Variants in HS3ST3A1 observed in about 807,000 individuals in gnomAD.
The protein encoded by HS3ST3A1 is heparan sulfate glucosamine 3-O-sulfotransferase 3A1.
In HS3ST3A1, 19 loss-of-function variants were observed where a neutral mutation model predicts 25.7. The ratio of observed to expected loss-of-function variants is 0.74; its 90% CI spans 0.52 to 1.08. The LOEUF is 1.08. Ranked by LOEUF, HS3ST3A1 falls within the 50% of genes least tolerant of loss-of-function variation. The pLI, the probability that HS3ST3A1 is intolerant of heterozygous loss-of-function variation, is 0.00. For synonymous variants in HS3ST3A1, 226 were observed against 278.6 expected (o/e 0.81, Z 1.88); for missense variants, 459 against 594.3 (o/e 0.77, Z 2.37).
intron 1 of HS3ST3A1, among the ~76,000 whole-genome samples, chr17:13,524,092 T>A (rs1315927731): frequency 6.6e-6 from 1 of 152,210 alleles, no homozygotes; most frequent in Non-Finnish European, 1.5e-5. Context: ...GTTTTTAACC[T>A]TATATTGATT....
chr17:13,536,342 AT>A (rs1227069877), intron 1 of HS3ST3A1, among the ~76,000 whole-genome samples: 1 of 152,142 alleles, frequency 6.6e-6, no homozygotes, highest in Non-Finnish European at 1.5e-5. Flanking sequence ...TCAAGGGCTA[AT>A]TTATGGAATG....
chr17:13,570,378 T>A (rs1907770616), intron 1 of HS3ST3A1, among the ~76,000 whole-genome samples: 1 of 151,026 alleles, frequency 6.6e-6, no homozygotes, highest in Admixed American at 6.6e-5. Flanking sequence ...TCTAATACGC[T>A]TTTTCATGAT....
chr17:13,539,791 A>G (rs952053681), intron 1 of HS3ST3A1, among the ~76,000 whole-genome samples: 1 of 152,238 alleles, frequency 6.6e-6, no homozygotes, highest in Non-Finnish European at 1.5e-5. Flanking sequence ...GTATTAACAC[A>G]TGATTTGTCG....
At chr17:13,588,476 C>T (rs1353224836) in intron 1 of HS3ST3A1, among the ~76,000 whole-genome samples, 1 of 152,192 alleles carries the variant, frequency 6.6e-6, no homozygotes, top group Non-Finnish European at 1.5e-5. Context: ...TCTTTTCAAA[C>T]ATGACTTCCA....
At chr17:13,593,459 A>G (rs921714085) in intron 1 of HS3ST3A1, among the ~76,000 whole-genome samples, 4 of 152,172 alleles carry the variant, frequency 2.6e-5, no homozygotes, top group Non-Finnish European at 4.4e-5. Context: ...CTTGGTTCGG[A>G]AACAAGAGAG....
chr17:13,539,916 CCA>C (rs769700439), intron 1 of HS3ST3A1, among the ~76,000 whole-genome samples: 17 of 152,140 alleles, frequency 1.1e-4, no homozygotes, highest in Non-Finnish European at 2.1e-4. Context: ...GAGATTCCAC[CCA>C]TTTGCTCAAA....
At chr17:13,588,706 C>T (rs1216313097) in intron 1 of HS3ST3A1, among the ~76,000 whole-genome samples, 13 of 147,358 alleles carry the variant, frequency 8.8e-5, no homozygotes, top group East Asian at 6.0e-4. Context: ...TTTTTTTAGA[C>T]GGAGTCTCGC....
rs1015910915 is a variant in HS3ST3A1, at chr17:13,544,733, T to A, written c.600-47915A>T. Among the ~76,000 whole-genome samples the A allele has an allele frequency of 2.0e-5, 3 of 148,134 alleles. No homozygotes were observed. In the East Asian group the frequency reaches 6.0e-4, roughly 30 times the overall value. On this transcript the variant is annotated intron_variant, in intron 1 of 1. Coordinates refer to ENST00000284110, the MANE Select transcript of HS3ST3A1 (RefSeq NM_006042.3). ...GGATGGGTGGTGGGATAAGCAAAGA[T>A]CCAAGTTTTCTAAGAGGATCTGCAA...
chr17:13,534,268 A>T (rs1167745746), intron 1 of HS3ST3A1, among the ~76,000 whole-genome samples: 1 of 152,210 alleles, frequency 6.6e-6, no homozygotes, highest in Non-Finnish European at 1.5e-5. Context: ...CAAGTACTCA[A>T]AAACGGAAAA....
intron 1 of HS3ST3A1, among the ~76,000 whole-genome samples, chr17:13,561,759 G>GAGGTGTCC (rs1382171929): frequency 6.6e-6 from 1 of 152,112 alleles, no homozygotes; most frequent in Admixed American, 6.6e-5. Context: ...GACACTGCGG[G>GAGGTGTCC]ATTCCAGCAG....
At chr17:13,521,530 C>T (rs145262785) in intron 1 of HS3ST3A1, among the ~76,000 whole-genome samples, 2 of 152,264 alleles carry the variant, frequency 1.3e-5, no homozygotes, top group African/African-American at 4.8e-5. Flanking sequence ...CTAATCTCCC[C>T]GAGTGATGAA....
chr17:13,519,813 G>A (rs1567612795), intron 1 of HS3ST3A1, among the ~76,000 whole-genome samples: 2 of 151,818 alleles, frequency 1.3e-5, no homozygotes, highest in Non-Finnish European at 2.9e-5. Context: ...CTATTGATTT[G>A]GTTTGATTGC....
At chr17:13,547,115 C>T (rs34017855) in intron 1 of HS3ST3A1, among the ~76,000 whole-genome samples, 14,644 of 152,208 alleles carry the variant, frequency 0.096, 846 homozygotes, top group Non-Finnish European at 0.13. Flanking sequence ...GAGACCCATC[C>T]ATCACTCCCA....
intron 1 of HS3ST3A1, among the ~76,000 whole-genome samples, chr17:13,567,966 T>C (rs536226037): frequency 9.2e-5 from 14 of 152,230 alleles, no homozygotes; most frequent in Non-Finnish European, 1.8e-4. Context: ...GAAGTTCGAC[T>C]GGAGGTAAAA....
chr17:13,506,394 T>G (rs1308688767), intron 1 of HS3ST3A1, among the ~76,000 whole-genome samples: 1 of 152,176 alleles, frequency 6.6e-6, no homozygotes, highest in African/African-American at 2.4e-5. Context: ...CAGTGGGACT[T>G]TAATTCATTT....
chr17:13,548,605 T>G (rs762248054), intron 1 of HS3ST3A1, among the ~76,000 whole-genome samples: 1 of 152,152 alleles, frequency 6.6e-6, no homozygotes, highest in Non-Finnish European at 1.5e-5. Context: ...CCACTCCACA[T>G]GTTGAGAGGT....
At chr17:13,523,172 C>T (rs1343433710) in intron 1 of HS3ST3A1, among the ~76,000 whole-genome samples, 1 of 152,132 alleles carries the variant, frequency 6.6e-6, no homozygotes, top group African/African-American at 2.4e-5. Context: ...GAAGCTTTCT[C>T]TATTTTTTTC....
intron 1 of HS3ST3A1, among the ~76,000 whole-genome samples, chr17:13,506,906 A>G (rs1459113576): frequency 6.6e-6 from 1 of 151,334 alleles, no homozygotes; most frequent in Non-Finnish European, 1.5e-5. Context: ...AAATACAAAA[A>G]AAAAAAAAAA....
chr17:13,499,279 G>A (rs1598405681), intron 1 of HS3ST3A1, among the ~76,000 whole-genome samples: 1 of 152,250 alleles, frequency 6.6e-6, no homozygotes, highest in East Asian at 1.9e-4. Context: ...AGTTGGCTAG[G>A]CCAGCCTAAT....
Sources: allele counts gnomAD v4.1 joint callset (sites outside exome capture counted in the v4.1 genomes callset), GRCh38; gene constraint gnomAD v4.1.1; transcripts MANE v1.5; gene names NCBI Gene and HGNC (gene_info 2026-07-23, HGNC 2026-07-21).